ZEB2: variants seen among roughly 807,000 people sequenced by gnomAD.
The protein encoded by ZEB2 is zinc finger E-box-binding homeobox 2.
In ZEB2, 6 loss-of-function variants were observed where a neutral mutation model predicts 99.9. The observed-to-expected ratio is 0.06, with a 90% CI of 0.03 to 0.12. The LOEUF is 0.12. Ranked by LOEUF, ZEB2 falls within the 10% of genes least tolerant of loss-of-function variation. The probability of loss-of-function intolerance (pLI) is 1.00; values close to 1 mark genes in which losing one functional copy is unlikely to be tolerated. For synonymous variants in ZEB2, 517 were observed against 542.5 expected, an observed-to-expected ratio of 0.95 and a Z score of 0.65; for missense variants, 969 against 1,502.8, an observed-to-expected ratio of 0.64 and a Z score of 5.87.
At chr2:144,440,085 T>G (rs1341180892) in intron 2 of ZEB2, among the ~76,000 whole-genome samples, 1 of 152,176 alleles carries the variant, frequency 6.6e-6, no homozygotes, top group African/African-American at 2.4e-5. Context: ...GTAAAAGAAC[T>G]TGTGTGGAGT....
chr2:144,517,070 G>T (rs973111216), intron 2 of ZEB2, among the ~76,000 whole-genome samples: 6 of 149,930 alleles, frequency 4.0e-5, no homozygotes, highest in Non-Finnish European at 8.9e-5. Flanking sequence ...GGTGCCTGAC[G>T]CTCACTTTGC....
intron 4 of ZEB2, chr2:144,424,261 G>A: frequency 2.3e-6 from 1 of 432,482 alleles, no homozygotes; most frequent in Non-Finnish European, 4.5e-6. Flanking sequence ...AAAACTGCCT[G>A]GAAAAAATTA....
intron 2 of ZEB2, among the ~76,000 whole-genome samples, chr2:144,456,647 T>G (rs1487369571): frequency 6.6e-6 from 1 of 152,166 alleles, no homozygotes; most frequent in Non-Finnish European, 1.5e-5. Flanking sequence ...TGAGATAATC[T>G]AATAGATTTC....
Position 144,520,001 on chromosome 2 carries a change from C to T in ZEB2, c.-132G>A. ...GAGAAGAAAAAGCATGAAGAAGCCG[C>T]GAAGTGTGGGGGAGAAAAAGGTGGA... On this transcript the variant is annotated 5_prime_UTR_variant, in exon 1 of 10. Coordinates refer to ENST00000627532, the MANE Select transcript of ZEB2 (RefSeq NM_014795.4). 1 of 454,444 alleles carries T rather than the reference C, an allele frequency of 2.2e-6. No homozygotes were observed. The highest frequency in any genetic ancestry group is 1.6e-5 in the South Asian group (1 of 64,466). 28.2% of individuals were successfully genotyped at this position (454,444 alleles called of 1,614,324 possible). A position where few individuals can be genotyped will look rare whatever the true frequency, so the allele number is the denominator to read the frequency against.
chr2:144,498,793 A>C (rs1704827253), intron 2 of ZEB2, among the ~76,000 whole-genome samples: 1 of 152,210 alleles, frequency 6.6e-6, no homozygotes, highest in Non-Finnish European at 1.5e-5. Context: ...GCCTGAAATC[A>C]GAGGATAGAA....
At chr2:144,396,792 C>A (rs1703235849) in intron 8 of ZEB2, among the ~76,000 whole-genome samples, 200 bp from the exon 9 acceptor site, 1 of 152,162 alleles carries the variant, frequency 6.6e-6, no homozygotes. Context: ...ATATAAACTT[C>A]TCTGCCCTGG....
intron 2 of ZEB2, among the ~76,000 whole-genome samples, chr2:144,479,695 C>A (rs867564366): frequency 8.6e-5 from 2 of 23,192 alleles, no homozygotes; most frequent in African/African-American, 1.8e-4. Context: ...GGGGGGGGGG[C>A]GGGGGGTGGA....
chr2:144,431,313 T>C (rs1363994825), intron 2 of ZEB2, among the ~76,000 whole-genome samples: 1 of 152,132 alleles, frequency 6.6e-6, no homozygotes, highest in African/African-American at 2.4e-5. Context: ...TCTGGAAACA[T>C]GTCTAGTTAC....
At chr2:144,499,198 C>T (rs1197221894) in intron 2 of ZEB2, among the ~76,000 whole-genome samples, 1 of 152,160 alleles carries the variant, frequency 6.6e-6, no homozygotes, top group African/African-American at 2.4e-5. Flanking sequence ...AAAAGCCCCA[C>T]AAAGTCTCTT....
intron 2 of ZEB2, among the ~76,000 whole-genome samples, chr2:144,451,944 C>G (rs1453292343): frequency 3.9e-5 from 6 of 152,094 alleles, no homozygotes; most frequent in African/African-American, 1.4e-4. Flanking sequence ...TTAAACATAA[C>G]TATTTTTTTT....
intron 8 of ZEB2, 66 bp downstream of exon 8, chr2:144,398,235 A>G: frequency 6.3e-7 from 1 of 1,591,664 alleles, no homozygotes; most frequent in South Asian, 1.1e-5. Flanking sequence ...TTTTTTTCCT[A>G]CATGCACATA....
chr2:144,459,743 A>T (rs575632597), intron 2 of ZEB2, among the ~76,000 whole-genome samples: 58 of 152,318 alleles, frequency 3.8e-4, no homozygotes, highest in African/African-American at 1.3e-3. Flanking sequence ...ACAATCAGCT[A>T]AGGTACGAAA....
intron 4 of ZEB2, among the ~76,000 whole-genome samples, chr2:144,405,569 A>G (rs570804272): frequency 6.6e-6 from 1 of 152,296 alleles, no homozygotes; most frequent in African/African-American, 2.4e-5. Flanking sequence ...GACAGATGCA[A>G]AAGGAAAGAT....
At chr2:144,459,863 T>G (rs930833271) in intron 2 of ZEB2, among the ~76,000 whole-genome samples, 1 of 152,054 alleles carries the variant, frequency 6.6e-6, no homozygotes, top group African/African-American at 2.4e-5. Context: ...TTAAAATGAG[T>G]GCAGGCTTCA....
At chr2:144,496,740 T>C (rs1012949878) in intron 2 of ZEB2, 3 of 152,142 alleles carry the variant, frequency 2.0e-5, no homozygotes, top group African/African-American at 7.2e-5. Context: ...TTTCACAGCA[T>C]TATTGTTGGG....
At chr2:144,433,270 T>C (rs917215677) in intron 2 of ZEB2, among the ~76,000 whole-genome samples, 3 of 152,206 alleles carry the variant, frequency 2.0e-5, no homozygotes, top group Non-Finnish European at 4.4e-5. Flanking sequence ...ACAGCATCAG[T>C]ATCCAAAACT....
At chr2:144,410,096 A>G (rs1703439511) in intron 4 of ZEB2, among the ~76,000 whole-genome samples, 1 of 152,078 alleles carries the variant, frequency 6.6e-6, no homozygotes, top group African/African-American at 2.4e-5. Context: ...TATTTTTAGT[A>G]GAGACAGGGT....
chr2:144,517,948 C>T (rs1705190556), intron 1 of ZEB2: 2 of 397,422 alleles, frequency 5.0e-6, no homozygotes, highest in African/African-American at 2.1e-5. Context: ...CGCCCAGCGC[C>T]CCCTCCCCTC....
At chr2:144,461,046 A>G (rs1348331022) in intron 2 of ZEB2, 1 of 151,834 alleles carries the variant, frequency 6.6e-6, no homozygotes, top group East Asian at 1.9e-4. Flanking sequence ...GCGGGAGTGG[A>G]CAGGTTTTCA....
Sources: gnomAD v4.1 joint callset for allele counts (sites outside exome capture counted in the v4.1 genomes callset) on GRCh38, gnomAD v4.1.1 for gene constraint, MANE v1.5 for transcripts, NCBI Gene and HGNC (gene_info 2026-07-23, HGNC 2026-07-21) for gene names.